The following FAM98B variants were observed in gnomAD, a reference collection of about 807,000 sequenced individuals.
FAM98B encodes tRNA splicing ligase complex subunit 3B.
Under a neutral mutation model 43.9 loss-of-function variants are expected in FAM98B, and 32 were observed. The ratio of observed to expected loss-of-function variants is 0.73; its 90% CI spans 0.55 to 0.98. The LOEUF (loss-of-function observed/expected upper bound fraction) is 0.98, where lower values mean the gene tolerates loss of function less well. Ranked by LOEUF, FAM98B falls within the 50% of genes least tolerant of loss-of-function variation. FAM98B has a pLI of 0.00. For missense variants in FAM98B, 514 were observed against 522.9 expected (o/e 0.98, Z 0.17); for synonymous variants, 190 against 174.0 (o/e 1.09, Z -0.72).
intron 7 of FAM98B, 111 bp from the exon 8 acceptor site, chr15:38,484,144 T>C: frequency 1.1e-6 from 1 of 940,940 alleles, no homozygotes. Flanking sequence ...TGTCTGGTAC[T>C]TTCATGTCCT....
intron 1 of FAM98B, among the ~76,000 whole-genome samples, chr15:38,458,070 A>G (rs920254843): frequency 2.6e-5 from 4 of 151,654 alleles, no homozygotes; most frequent in Non-Finnish European, 2.9e-5. Context: ...GTTCGAGACT[A>G]TGGCTAGATG....
intron 2 of FAM98B, 128 bp downstream of exon 2, chr15:38,464,305 G>A (rs918221316): frequency 5.9e-6 from 5 of 847,014 alleles, no homozygotes; most frequent in South Asian, 3.5e-5. Flanking sequence ...TTCAGTATGT[G>A]GTAGTAAACA....
At chr15:38,481,659 G>C in intron 7 of FAM98B, 200 bp downstream of exon 7, 11 of 1,437,606 alleles carry the variant, frequency 7.7e-6, no homozygotes, top group Non-Finnish European at 1.0e-5. Flanking sequence ...ATAAATCAAA[G>C]TATTTTCTGA....
rs143295218 is a variant in FAM98B, at chr15:38,482,310, A to T, written c.897+851A>T. On this transcript the variant is annotated intron_variant, in intron 7 of 7. Coordinates refer to ENST00000397609, the MANE Select transcript of FAM98B (RefSeq NM_173611.4). ...ATGTTCTGAAAGTGTTCTCTCTTTA[A>T]ATATATTACCTAACATCTTGCATTG... 2.0e-5 allele frequency: 3 copies of T among 152,228 alleles called. No individual in the cohort carries two copies. The East Asian group carries it at 5.8e-4, about 29-fold the overall frequency. The allele number at this position is 152,228 out of a possible 1,614,324, so 9.4% of individuals were successfully genotyped here.
intron 5 of FAM98B, among the ~76,000 whole-genome samples, chr15:38,473,855 G>A (rs546809810): frequency 6.6e-6 from 1 of 152,288 alleles, no homozygotes; most frequent in Non-Finnish European, 1.5e-5. Context: ...AGCAAGATGA[G>A]TTATTGGTAT....
At chr15:38,480,877 G>T (rs935073080) in intron 6 of FAM98B, among the ~76,000 whole-genome samples, 1 of 151,608 alleles carries the variant, frequency 6.6e-6, no homozygotes, top group Non-Finnish European at 1.5e-5. Flanking sequence ...AGTTAATTTG[G>T]GGGAAAACTG....
At chr15:38,459,701 G>A (rs976496721) in intron 1 of FAM98B, among the ~76,000 whole-genome samples, 7 of 152,184 alleles carry the variant, frequency 4.6e-5, no homozygotes, top group African/African-American at 9.6e-5. Flanking sequence ...GCTGCGAAGC[G>A]AGGTGGCCTG....
At chr15:38,460,959 C>A (rs1457133014) in intron 1 of FAM98B, among the ~76,000 whole-genome samples, 1 of 152,012 alleles carries the variant, frequency 6.6e-6, no homozygotes, top group African/African-American at 2.4e-5. Flanking sequence ...AAATGTTAGC[C>A]ACTATTGCGA....
At chr15:38,469,058 G>A (rs1441031346) in intron 3 of FAM98B, among the ~76,000 whole-genome samples, 2 of 152,026 alleles carry the variant, frequency 1.3e-5, no homozygotes, top group East Asian at 3.9e-4. Flanking sequence ...GGCGCATGCT[G>A]CCATGCCTGG....
chr15:38,470,262 T>A lies in FAM98B; in HGVS notation c.388T>A (p.Leu130Ile). Residue 130 changes from leucine to isoleucine, a missense_variant, in exon 4 of 8, where the codon TTA becomes ATA. Leu to Ile is a conservative substitution (Grantham distance 5). Coordinates refer to ENST00000397609, the MANE Select transcript of FAM98B (RefSeq NM_173611.4). ...TACAGAACTTCAAGCTTCACAGATA[T>A]TACAGAACAAGAAACATAAAAATTC... ...LSTELQASQI[L>I]QNKKHKNSQL... The A allele has an allele frequency of 6.4e-7, 1 of 1,554,358 alleles. No individual in the cohort carries two copies. Among genetic ancestry groups the A allele is most frequent in the Non-Finnish European group, 8.7e-7 (1 of 1,145,178 alleles).
intron 4 of FAM98B, chr15:38,470,637 A>C (rs1012844673): frequency 3.1e-6 from 1 of 320,464 alleles, no homozygotes; most frequent in African/African-American, 2.2e-5. Flanking sequence ...GCTTTGCCAG[A>C]GTTTACCATG....
chr15:38,460,866 A>G (rs1595796780), intron 1 of FAM98B, among the ~76,000 whole-genome samples: 1 of 152,290 alleles, frequency 6.6e-6, no homozygotes, highest in African/African-American at 2.4e-5. Context: ...AATAGTATCT[A>G]CCTTATAGGG....
In FAM98B at chr15:38,484,639, G is replaced by C; in HGVS notation, c.1282G>C (p.Gly428Arg). 6.6e-7 allele frequency: 1 copy of C among 1,518,026 alleles called. No homozygotes were observed. The highest frequency in any genetic ancestry group is 2.3e-4 in the Middle Eastern group (1 of 4,356). The allele number at this position is 1,518,026 out of a possible 1,614,324, so 94.0% of individuals were successfully genotyped here. ...GGGGGGGGGG[G>R]GYRRY The stretch of plus-strand genomic sequence containing the variant: ...TGGTGGTGGTGGTGGTGGTGGAGGA[G>C]GTGGATATAGAAGATACTAAAAACT... The change falls in exon 8 of 8, where the codon GGT (glycine) becomes CGT (arginine). Residue 428 changes from glycine (G) to arginine (R), a missense_variant. Around this residue, in one of 2 missense-constraint regions of FAM98B, gnomAD observed 45 missense variants for 71.1 expected, o/e 0.63. Coordinates refer to ENST00000397609, the MANE Select transcript of FAM98B (RefSeq NM_173611.4).
chr15:38,474,214 C>A lies in FAM98B; in HGVS notation c.645C>A (p.Ser215=). ...EQLERINDAL[S]CEYECRRRML... ...TGGAAAGAATCAATGATGCTCTTTC[C>A]TGTGAATATGAGTGCCGCCGACGAA... is the stretch of plus-strand genomic sequence containing the variant. Residue 215 remains serine (S), a synonymous_variant, in exon 6 of 8, where the codon TCC becomes TCA. Coordinates refer to ENST00000397609, the MANE Select transcript of FAM98B (RefSeq NM_173611.4). The A allele has an allele frequency of 6.2e-7, 1 of 1,613,568 alleles. No homozygotes were observed. The highest frequency in any genetic ancestry group is 8.5e-7 in the Non-Finnish European group (1 of 1,179,680).
intron 3 of FAM98B, 63 bp from the exon 4 acceptor site, chr15:38,470,164 A>T: frequency 2.4e-6 from 3 of 1,244,308 alleles, no homozygotes; most frequent in Non-Finnish European, 3.2e-6. Context: ...GAATAATTTC[A>T]GTGAAATATT....
chr15:38,467,266 T>C (rs1890050400), intron 3 of FAM98B, among the ~76,000 whole-genome samples: 1 of 152,212 alleles, frequency 6.6e-6, no homozygotes, highest in South Asian at 2.1e-4. Context: ...TTCTTCATGT[T>C]CTTTTTGAAA....
intron 1 of FAM98B, among the ~76,000 whole-genome samples, chr15:38,463,789 G>A (rs1006937209): frequency 6.6e-6 from 1 of 152,086 alleles, no homozygotes; most frequent in Non-Finnish European, 1.5e-5. Context: ...ATTATATAGA[G>A]CAGGAATCAG....
rs529059289 is a variant in FAM98B at position 38,481,059 on chromosome 15, GTTA to G, written c.730-227_730-225del. On this transcript the variant is annotated intron_variant, in intron 6 of 7. Transcript: ENST00000397609. ...TGTTAATATGTATAGAAATTTTTTT[GTTA>G]TTATTTTTTAGCGAGTTGTTGCTGG... Among the ~76,000 whole-genome samples the G allele has an allele frequency of 5.3e-5, 8 of 151,892 alleles. No individual in the cohort carries two copies. The South Asian group carries it at 1.0e-3, about 20-fold the overall frequency.
chr15:38,468,514 T>C (rs1000665215), intron 3 of FAM98B, among the ~76,000 whole-genome samples: 4 of 152,232 alleles, frequency 2.6e-5, no homozygotes, highest in Non-Finnish European at 5.9e-5. Flanking sequence ...TGAGCCACCA[T>C]AGCTGGTCTT....
Sources: allele counts gnomAD v4.1 joint callset (sites outside exome capture counted in the v4.1 genomes callset), GRCh38; gene constraint gnomAD v4.1.1; regional missense constraint gnomAD v4.1.1; transcripts MANE v1.5; gene names NCBI Gene and HGNC (gene_info 2026-07-23, HGNC 2026-07-21).